Variants in GALNT17 observed in about 807,000 individuals in gnomAD.
GALNT17 encodes UDP-GalNAc:polypeptide N-acetylgalactosaminyltransferase-like 3.
Under a neutral mutation model 63.7 loss-of-function variants are expected in GALNT17, and 29 were observed. That is an observed-to-expected ratio of 0.46 (90% confidence interval 0.34 to 0.62). GALNT17 has a LOEUF of 0.62. Ranked by LOEUF, GALNT17 falls within the 20% of genes least tolerant of loss-of-function variation. The pLI, the probability that GALNT17 is intolerant of heterozygous loss-of-function variation, is 0.01. For missense variants in GALNT17, 603 were observed against 799.6 expected (o/e 0.75, Z 2.97); for synonymous variants, 305 against 318.3 (o/e 0.96, Z 0.45).
At chr7:71,358,472 C>CT (rs1335118387) in intron 2 of GALNT17, among the ~76,000 whole-genome samples, 1 of 152,224 alleles carries the variant, frequency 6.6e-6, no homozygotes, top group East Asian at 1.9e-4. Context: ...CATATTTTCA[C>CT]ACTTAAGCTG....
intron 1 of GALNT17, among the ~76,000 whole-genome samples, chr7:71,161,724 C>T (rs1788345001): frequency 6.6e-6 from 1 of 152,056 alleles, no homozygotes; most frequent in Admixed American, 6.6e-5. Flanking sequence ...TTTCCACTTG[C>T]TTTAGATAGT....
At chr7:71,429,553 T>C (rs1329692124) in intron 5 of GALNT17, among the ~76,000 whole-genome samples, 1 of 152,206 alleles carries the variant, frequency 6.6e-6, no homozygotes, top group Non-Finnish European at 1.5e-5. Context: ...TAGTTATTTA[T>C]ATTTTTAGAG....
chr7:71,176,458 C>T (rs1464448555), intron 1 of GALNT17, among the ~76,000 whole-genome samples: 1 of 152,060 alleles, frequency 6.6e-6, no homozygotes, highest in Admixed American at 6.6e-5. Flanking sequence ...AGTTTGGATT[C>T]GTGTCTCCAT....
At chr7:71,549,917 A>G (rs1381993702) in intron 5 of GALNT17, among the ~76,000 whole-genome samples, 1 of 151,316 alleles carries the variant, frequency 6.6e-6, no homozygotes, top group African/African-American at 2.4e-5. Context: ...CTATATTCTG[A>G]CCCTGCTCAA....
At chr7:71,156,307 G>C (rs939361513) in intron 1 of GALNT17, among the ~76,000 whole-genome samples, 2 of 151,852 alleles carry the variant, frequency 1.3e-5, no homozygotes, top group Non-Finnish European at 2.9e-5. Flanking sequence ...GCCTGATGGA[G>C]CTACATATTT....
chr7:71,547,556 G>C (rs1789006804), intron 5 of GALNT17, among the ~76,000 whole-genome samples: 1 of 152,088 alleles, frequency 6.6e-6, no homozygotes, highest in African/African-American at 2.4e-5. Context: ...CAAAGTGCTA[G>C]GATTACAGGT....
At chr7:71,259,610 A>G (rs1014305935) in intron 1 of GALNT17, among the ~76,000 whole-genome samples, 2 of 151,732 alleles carry the variant, frequency 1.3e-5, no homozygotes, top group Admixed American at 6.6e-5. Flanking sequence ...GATGGAGACC[A>G]ACAGATCTTG....
chr7:71,608,959 TTG>T lies in GALNT17; in HGVS notation c.1080+37558_1080+37559del, dbSNP rs1491065936. Among the ~76,000 whole-genome samples, 40 of 146,546 alleles carry T rather than the reference TTG, an allele frequency of 2.7e-4. 1 individual carries two copies. Among genetic ancestry groups the T allele is most frequent in the Non-Finnish European group, 2.9e-4 (19 of 65,566 alleles). ...CACTCCCAGCTAATTTTTTTTTTTTTTGGTAGCGATGGGGTCCTGTTTTGTTG... is the reference window on the plus strand; with the variant it reads ...CACTCCCAGCTAATTTTTTTTTTTTTGTAGCGATGGGGTCCTGTTTTGTTG... On this transcript the variant is annotated intron_variant, in intron 6 of 10. Transcript: ENST00000333538.
intron 2 of GALNT17, among the ~76,000 whole-genome samples, chr7:71,342,924 A>G (rs1393153508): frequency 1.3e-5 from 2 of 152,240 alleles, no homozygotes; most frequent in African/African-American, 4.8e-5. Context: ...GGATGAAAGT[A>G]CAGTAGAAGA....
At chr7:71,680,808 T>TCTTC (rs148786608) in intron 9 of GALNT17, among the ~76,000 whole-genome samples, 11 of 146,168 alleles carry the variant, frequency 7.5e-5, no homozygotes, top group African/African-American at 2.6e-4. Flanking sequence ...TTCCTTCCTT[T>TCTTC]CTTCCTTCCT....
chr7:71,677,434 TAAG>T (rs1006248216), intron 9 of GALNT17, 128 bp downstream of exon 9: 17 of 881,740 alleles, frequency 1.9e-5, no homozygotes, highest in Non-Finnish European at 2.6e-5. Flanking sequence ...GAAAAATTTT[TAAG>T]AAGAAGGTAG....
intron 5 of GALNT17, among the ~76,000 whole-genome samples, chr7:71,564,444 G>T (rs58456669): frequency 6.6e-6 from 1 of 151,280 alleles, no homozygotes; most frequent in Admixed American, 6.6e-5. Flanking sequence ...CTACTACCAC[G>T]CCCGGCTCAT....
intron 5 of GALNT17, among the ~76,000 whole-genome samples, chr7:71,488,076 G>A (rs541346024): frequency 2.6e-5 from 4 of 151,892 alleles, no homozygotes; most frequent in Admixed American, 6.6e-5. Context: ...AGACCAAGGC[G>A]GAAGGATCGC....
In GALNT17 at chr7:71,612,236, T is replaced by C. The variant is rs117073296; in HGVS notation, c.1080+40834T>C. 9.7e-3 allele frequency among the ~76,000 whole-genome samples: 1,470 copies of C among 152,284 alleles called. 36 individuals carry two copies. Among genetic ancestry groups the C allele is most frequent in the East Asian group, 0.093 (479 of 5,176 alleles). ...AGGACATTGACCCGAATGCTTTGGATTTTTTGTTTGCATTTGGATTCTATG... is the reference window on the plus strand; with the variant it reads ...AGGACATTGACCCGAATGCTTTGGACTTTTTGTTTGCATTTGGATTCTATG... On this transcript the variant is annotated intron_variant, in intron 6 of 10. Coordinates refer to ENST00000333538, the MANE Select transcript of GALNT17 (RefSeq NM_022479.3).
chr7:71,415,725 T>C (rs1793511503), intron 3 of GALNT17, among the ~76,000 whole-genome samples, 164 bp from the exon 4 acceptor site: 1 of 152,196 alleles, frequency 6.6e-6, no homozygotes, highest in African/African-American at 2.4e-5. Flanking sequence ...AGAGATGTCT[T>C]CTGACTCCTA....
intron 1 of GALNT17, among the ~76,000 whole-genome samples, chr7:71,230,367 C>A (rs1305780388): frequency 1.3e-5 from 2 of 152,174 alleles, no homozygotes; most frequent in African/African-American, 4.8e-5. Flanking sequence ...CAAGGCCCCC[C>A]TCATGGGTGC....
intron 6 of GALNT17, among the ~76,000 whole-genome samples, chr7:71,594,724 T>C (rs1262017083): frequency 1.3e-5 from 2 of 152,096 alleles, no homozygotes; most frequent in East Asian, 1.9e-4. Context: ...CTTGAGGAGG[T>C]TGGTCGATAT....
intron 5 of GALNT17, among the ~76,000 whole-genome samples, chr7:71,450,913 G>A (rs898823009): frequency 2.4e-5 from 3 of 123,672 alleles, no homozygotes; most frequent in Non-Finnish European, 4.9e-5. Flanking sequence ...ATTGCATGGC[G>A]TTTTTCTTTT....
At chr7:71,239,404 C>G (rs1789954675) in intron 1 of GALNT17, among the ~76,000 whole-genome samples, 1 of 152,142 alleles carries the variant, frequency 6.6e-6, no homozygotes, top group African/African-American at 2.4e-5. Flanking sequence ...CCCAGGAATT[C>G]AAGGCTGCAG....
Sources: gnomAD v4.1 joint callset for allele counts (sites outside exome capture counted in the v4.1 genomes callset) on GRCh38, gnomAD v4.1.1 for gene constraint, MANE v1.5 for transcripts, NCBI Gene and HGNC (gene_info 2026-07-23, HGNC 2026-07-21) for gene names.